The following RNF14 variants were observed in gnomAD, a reference collection of about 807,000 sequenced individuals.
RNF14 encodes the protein E3 ubiquitin-protein ligase RNF14.
Under a neutral mutation model 52.6 loss-of-function variants are expected in RNF14, and 26 were observed. The ratio of observed to expected loss-of-function variants is 0.49; its 90% confidence interval spans 0.36 to 0.69. RNF14 has a LOEUF of 0.69. Ranked by LOEUF, RNF14 falls within the 30% of genes least tolerant of loss-of-function variation. RNF14 has a pLI of 0.00. For missense variants in RNF14, 404 were observed against 560.4 expected (o/e 0.72, Z 2.82); for synonymous variants, 194 against 202.0 (o/e 0.96, Z 0.34).
At chr5:141,986,888 G>C (rs576708492) in intron 8 of RNF14, among the ~76,000 whole-genome samples, 1 of 152,208 alleles carries the variant, frequency 6.6e-6, no homozygotes, top group Non-Finnish European at 1.5e-5. Context: ...ACCCTTCAGG[G>C]GACCCATGTT....
At chr5:141,949,452 C>G in the RNF14 span, 9 of 1,613,832 alleles carry the variant, frequency 5.6e-6, no homozygotes, top group Non-Finnish European at 7.6e-6. Context: ...GTCCAGCAGA[C>G]TTGACAGCTC....
At chr5:141,964,513 G>C (rs989395946), upstream of RNF14, among the ~76,000 whole-genome samples, 1 of 152,236 alleles carries the variant, frequency 6.6e-6, no homozygotes, top group African/African-American at 2.4e-5. Flanking sequence ...ACAGCACTTA[G>C]AGTGGGGCCT....
At chr5:141,986,148 T>C (rs1475694359) in intron 8 of RNF14, among the ~76,000 whole-genome samples, 2 of 152,234 alleles carry the variant, frequency 1.3e-5, no homozygotes, top group Non-Finnish European at 2.9e-5. Flanking sequence ...CATTTTGTTA[T>C]TAGGAAGTAA....
chr5:141,983,588 C>G, intron 7 of RNF14, 36 bp downstream of exon 7: 7 of 1,565,496 alleles, frequency 4.5e-6, no homozygotes, highest in Non-Finnish European at 6.1e-6. Flanking sequence ...GGCCATCAGA[C>G]TTGCAAGGAT....
chr5:141,956,076 G>A (rs755197689), upstream of RNF14: 49 of 1,614,150 alleles, frequency 3.0e-5, no homozygotes, highest in Non-Finnish European at 4.0e-5. Context: ...TGGGAGTCTC[G>A]ATGGGCACCA....
chr5:141,963,214 T>C (rs1007527231), upstream of RNF14: 1 of 152,220 alleles, frequency 6.6e-6, no homozygotes, highest in Admixed American at 6.5e-5. Context: ...TGTCCTTTCC[T>C]CTACGTAGGG....
intron 8 of RNF14, among the ~76,000 whole-genome samples, chr5:141,987,004 A>G (rs1205986575): frequency 6.6e-6 from 1 of 152,222 alleles, no homozygotes; most frequent in Non-Finnish European, 1.5e-5. Flanking sequence ...GACTGGCTAG[A>G]ACCACTCCAT....
chr5:141,963,018 A>G (rs1235214536), upstream of RNF14: 6 of 152,220 alleles, frequency 3.9e-5, no homozygotes, highest in African/African-American at 1.4e-4. Context: ...GGCCTTTCTT[A>G]ACCCAGCATC....
At chr5:141,973,341 G>A (rs533449652) in intron 2 of RNF14, among the ~76,000 whole-genome samples, 8 of 151,372 alleles carry the variant, frequency 5.3e-5, no homozygotes, top group African/African-American at 1.7e-4. Flanking sequence ...CGGTTCAAGC[G>A]ATTCTCCTGT....
At chr5:141,971,569 TTCTTTCTTTCTTTCTTTCTTTC>T (rs1753760075) in intron 2 of RNF14, among the ~76,000 whole-genome samples, 2 of 4,170 alleles carry the variant, frequency 4.8e-4, no homozygotes, top group African/African-American at 2.7e-3. Flanking sequence ...TTCTTTTTCT[TTCTTTCTTTCTTTCTTTCTTTC>T]TTTCTTTCTT....
At chr5:141,957,180 CTTGGGGGGGT>C, upstream of RNF14, 1 of 1,614,220 alleles carries the variant, frequency 6.2e-7, no homozygotes, top group Non-Finnish European at 8.5e-7. The surrounding 1 kb of genome is among the most constrained non-coding windows in gnomAD (Gnocchi z 4.3). Flanking sequence ...TGGTACCTGA[CTTGGGGGGGT>C]TCCCATTGTC....
At chr5:141,983,595 G>A (rs754145440) in intron 7 of RNF14, 43 bp downstream of exon 7, 29 of 1,542,034 alleles carry the variant, frequency 1.9e-5, no homozygotes, top group Admixed American at 4.2e-5. Context: ...AGACTTGCAA[G>A]GATGTTATGA....
upstream of RNF14, among the ~76,000 whole-genome samples, chr5:141,965,976 G>GT (rs1753337037): frequency 7.1e-6 from 1 of 141,560 alleles, no homozygotes; most frequent in Non-Finnish European, 1.5e-5. Context: ...GAACTTAAAA[G>GT]TTAAAAAAAA....
At chr5:141,949,738 C>T in the RNF14 span, among the ~76,000 whole-genome samples, 1 of 152,176 alleles carries the variant, frequency 6.6e-6, no homozygotes, top group African/African-American at 2.4e-5. Context: ...GTGATTCCCG[C>T]CCTCCTCTTA....
At chr5:141,975,073 T>G in intron 4 of RNF14, 118 bp downstream of exon 4, 2 of 1,118,988 alleles carry the variant, frequency 1.8e-6, no homozygotes. Flanking sequence ...GCTTTGGTTT[T>G]GTAATTTTTT....
upstream of RNF14, chr5:141,956,236 T>C (rs758306482): frequency 6.8e-6 from 11 of 1,614,094 alleles, no homozygotes; most frequent in Non-Finnish European, 8.5e-6. Context: ...TTGCCCGCTG[T>C]CCTCTGCGAT....
upstream of RNF14, among the ~76,000 whole-genome samples, chr5:141,968,020 G>C (rs1753413808): frequency 1.3e-5 from 2 of 151,796 alleles, no homozygotes; most frequent in African/African-American, 4.8e-5. Flanking sequence ...TCCTGCCTTA[G>C]TTTCTGGCAA....
chr5:141,966,330 CT>C (rs1169490347), upstream of RNF14, among the ~76,000 whole-genome samples: 2 of 152,108 alleles, frequency 1.3e-5, no homozygotes, highest in Non-Finnish European at 2.9e-5. Flanking sequence ...CTGACTTCAA[CT>C]TTATGACATT....
upstream of RNF14, among the ~76,000 whole-genome samples, chr5:141,962,845 G>A (rs573708682): frequency 2.6e-5 from 4 of 152,156 alleles, no homozygotes; most frequent in East Asian, 5.8e-4. Flanking sequence ...CCCAACCTTC[G>A]AGAGGAAGGG....
Sources: gnomAD v4.1 joint callset for allele counts (sites outside exome capture counted in the v4.1 genomes callset) on GRCh38, gnomAD v4.1.1 for gene constraint, Gnocchi (gnomAD v3.1) non-coding constraint, MANE v1.5 for transcripts, NCBI Gene and HGNC (gene_info 2026-07-23, HGNC 2026-07-21) for gene names.